The following GYS2 variants were observed in gnomAD, a reference collection of about 807,000 sequenced individuals.
GYS2 encodes glycogen [starch] synthase, liver.
A neutral mutation model predicts 85.6 loss-of-function variants in GYS2; 80 were observed. The ratio of observed to expected loss-of-function variants is 0.93; its 90% CI spans 0.78 to 1.13. The LOEUF (loss-of-function observed/expected upper bound fraction) is 1.13, where lower values mean the gene tolerates loss of function less well. Among genes scored for constraint, GYS2 ranks in the 50% most tolerant of loss-of-function variants. The probability of loss-of-function intolerance (pLI) is 0.00; values close to 1 mark genes in which losing one functional copy is unlikely to be tolerated. For synonymous variants in GYS2, 328 were observed against 300.7 expected, an observed-to-expected ratio of 1.09 and a Z score of -0.94; for missense variants, 881 against 854.9, an observed-to-expected ratio of 1.03 and a Z score of -0.38.
chr12:21,534,419 C>T (rs538426179), downstream of GYS2, among the ~76,000 whole-genome samples: 18 of 151,978 alleles, frequency 1.2e-4, no homozygotes, highest in South Asian at 3.7e-3. Context: ...TGGGAGGCTG[C>T]AGCACAAGAA....
At chr12:21,565,264 T>G (rs1414481279) in intron 5 of GYS2, among the ~76,000 whole-genome samples, 4 of 149,704 alleles carry the variant, frequency 2.7e-5, no homozygotes, top group Non-Finnish European at 5.9e-5. Flanking sequence ...GAGAGATAGA[T>G]AATTTTAGTG....
chr12:21,563,881 C>T (rs11046120), intron 5 of GYS2, among the ~76,000 whole-genome samples: 82,814 of 151,958 alleles, frequency 0.54, 23,870 homozygotes, highest in East Asian at 0.74. Flanking sequence ...CTCCTGCCAT[C>T]TTGTTTTCCA....
intron 9 of GYS2, 58 bp from the exon 10 acceptor site, chr12:21,559,227 T>C (rs1201243679): frequency 1.2e-6 from 1 of 847,464 alleles, no homozygotes; most frequent in African/African-American, 1.7e-5. Flanking sequence ...ATTCAGTGAT[T>C]CCTAAGCATC....
At position 21,559,075 on chromosome 12, in the gene GYS2, C is replaced by T. The variant is rs761780472; in HGVS notation, c.1308+16G>A. On this transcript the variant is annotated intron_variant, in intron 10 of 15. Coordinates refer to ENST00000261195, the MANE Select transcript of GYS2 (RefSeq NM_021957.4). ...TAATAACTATGGGACATAGTGGGTG[C>T]TTTTTTCCTTATTACCTGAGTTGAA... is the stretch of plus-strand genomic sequence containing the variant. 1.5e-5 allele frequency: 22 copies of T among 1,473,810 alleles called. No individual in the cohort carries two copies. The Admixed American group carries it at 3.5e-4, about 24-fold the overall frequency. The allele number at this position is 1,473,810 out of a possible 1,614,324, so 91.3% of individuals were successfully genotyped here.
intron 14 of GYS2, among the ~76,000 whole-genome samples, chr12:21,540,147 A>G (rs963977498): frequency 6.6e-6 from 1 of 152,236 alleles, no homozygotes; most frequent in Non-Finnish European, 1.5e-5. Context: ...GTAACACATC[A>G]AGTGAGGCAC....
chr12:21,597,200 G>A (rs1168527735), intron 1 of GYS2, among the ~76,000 whole-genome samples: 1 of 152,042 alleles, frequency 6.6e-6, no homozygotes, highest in Non-Finnish European at 1.5e-5. Context: ...AGCAAAAATA[G>A]ACAAATGGGA....
downstream of GYS2, among the ~76,000 whole-genome samples, chr12:21,533,548 G>A (rs971909153): frequency 6.6e-6 from 1 of 152,040 alleles, no homozygotes; most frequent in African/African-American, 2.4e-5. Context: ...TGTGAAATGG[G>A]CCATTTTATT....
intron 11 of GYS2, among the ~76,000 whole-genome samples, chr12:21,551,006 T>G (rs1291472662): frequency 8.3e-5 from 2 of 24,092 alleles, no homozygotes; most frequent in Non-Finnish European, 1.6e-4. Context: ...CTTTTCTTTT[T>G]TTTTTAATTT....
chr12:21,543,968 G>T (rs1281720353), intron 12 of GYS2, among the ~76,000 whole-genome samples: 1 of 152,074 alleles, frequency 6.6e-6, no homozygotes, highest in Admixed American at 6.6e-5. Flanking sequence ...TTTATTAAAT[G>T]GCCATCAATT....
chr12:21,563,130 G>T (rs955331886), intron 6 of GYS2, 92 bp from the exon 7 acceptor site: 2 of 1,169,704 alleles, frequency 1.7e-6, no homozygotes, highest in Non-Finnish European at 2.6e-6. Context: ...AAAGGGGGCT[G>T]GGAAAGATAA....
At chr12:21,564,275 A>G (rs1370567143) in intron 5 of GYS2, among the ~76,000 whole-genome samples, 3 of 152,124 alleles carry the variant, frequency 2.0e-5, no homozygotes, top group Admixed American at 6.5e-5. Flanking sequence ...TACTAAAAAT[A>G]CAAAAATTAG....
chr12:21,575,740 T>C, intron 3 of GYS2, 126 bp downstream of exon 3: 1 of 765,016 alleles, frequency 1.3e-6, no homozygotes, highest in Non-Finnish European at 2.3e-6. Context: ...TTCTTTCAAT[T>C]GTATTAGGAC....
intron 7 of GYS2, 134 bp downstream of exon 7, chr12:21,562,784 G>C (rs1944270808): frequency 4.4e-6 from 4 of 911,348 alleles, no homozygotes; most frequent in Non-Finnish European, 7.0e-6. Context: ...AAATTGAAAG[G>C]CTGAAGCCAT....
intron 11 of GYS2, 115 bp from the exon 12 acceptor site, chr12:21,546,585 C>T: frequency 1.5e-6 from 1 of 652,140 alleles, no homozygotes; most frequent in Non-Finnish European, 2.6e-6. Flanking sequence ...GTTCTAGATT[C>T]AGAAAGAAAA....
chr12:21,562,726 A>G (rs1375339437), intron 7 of GYS2, among the ~76,000 whole-genome samples, 192 bp downstream of exon 7: 2 of 150,768 alleles, frequency 1.3e-5, no homozygotes, highest in Non-Finnish European at 3.0e-5. Flanking sequence ...AAAAAAGATG[A>G]CATTATAGAC....
At chr12:21,559,464 T>C (rs1245835058) in intron 9 of GYS2, among the ~76,000 whole-genome samples, 187 bp downstream of exon 9, 2 of 152,198 alleles carry the variant, frequency 1.3e-5, no homozygotes, top group African/African-American at 4.8e-5. Flanking sequence ...TGTATTCTTA[T>C]TTGTACAGCT....
rs573611409 is a variant in GYS2 at position 21,543,674 on chromosome 12, C to G, written c.1550-1083G>C. On this transcript the variant is annotated intron_variant, in intron 12 of 15. Transcript: ENST00000261195. ...CATGTGCTATGGTGGTTTGCTGCAC[C>G]TATCAACCCATCGTCTAGGTTTTAA... Among the ~76,000 whole-genome samples, 98 of 152,094 alleles carry G rather than the reference C, an allele frequency of 6.4e-4. No homozygotes were observed. The South Asian group carries it at 0.017, about 26-fold the overall frequency.
chr12:21,599,135 TATA>T (rs1393245426), intron 1 of GYS2, among the ~76,000 whole-genome samples: 3 of 152,080 alleles, frequency 2.0e-5, no homozygotes, highest in Non-Finnish European at 4.4e-5. Context: ...TACACACATA[TATA>T]CATATTATAC....
At chr12:21,562,893 A>G in intron 7 of GYS2, 25 bp downstream of exon 7, 1 of 1,611,608 alleles carries the variant, frequency 6.2e-7, no homozygotes, top group Non-Finnish European at 8.5e-7. Context: ...CAAGAGTGTT[A>G]TACCATGTCC....
Sources: allele counts gnomAD v4.1 joint callset (sites outside exome capture counted in the v4.1 genomes callset), GRCh38; gene constraint gnomAD v4.1.1; transcripts MANE v1.5; gene names NCBI Gene and HGNC (gene_info 2026-07-23, HGNC 2026-07-21).